NCBP1: variants seen among roughly 807,000 people sequenced by gnomAD.
NCBP1 encodes nuclear cap-binding protein subunit 1.
Under a neutral mutation model 111.7 loss-of-function variants are expected in NCBP1, and 16 were observed. That is an observed-to-expected ratio of 0.14 (90% CI 0.10 to 0.22). NCBP1 has a LOEUF of 0.22. Ranked by LOEUF, NCBP1 falls within the 10% of genes least tolerant of loss-of-function variation. The pLI is 1.00. For missense variants in NCBP1, 607 were observed against 957.5 expected (o/e 0.63, Z 4.83); for synonymous variants, 304 against 314.3 (o/e 0.97, Z 0.35).
intron 1 of NCBP1, among the ~76,000 whole-genome samples, chr9:97,638,217 A>G (rs1239233691): frequency 6.6e-6 from 1 of 152,178 alleles, no homozygotes; most frequent in African/African-American, 2.4e-5. Flanking sequence ...TAGTCTCTCA[A>G]CTATCAGGTG....
intron 3 of NCBP1, 129 bp downstream of exon 3, chr9:97,641,791 A>C: frequency 9.6e-7 from 1 of 1,043,840 alleles, no homozygotes; most frequent in Non-Finnish European, 1.2e-6. Flanking sequence ...GGAAATTTGT[A>C]CAAATGAGCC....
intron 16 of NCBP1, among the ~76,000 whole-genome samples, chr9:97,661,327 C>T (rs1029072581): frequency 6.6e-6 from 1 of 152,040 alleles, no homozygotes; most frequent in Non-Finnish European, 1.5e-5. Context: ...GATTTTTAAC[C>T]CCTGCTTTCA....
intron 18 of NCBP1, among the ~76,000 whole-genome samples, chr9:97,664,134 G>A (rs544494022): frequency 7.8e-4 from 118 of 152,088 alleles, no homozygotes; most frequent in African/African-American, 2.5e-3. Context: ...AGCTGAGATC[G>A]TGCCACTCCA....
At chr9:97,635,623 C>T (rs1186097897) in intron 1 of NCBP1, among the ~76,000 whole-genome samples, 1 of 151,692 alleles carries the variant, frequency 6.6e-6, no homozygotes, top group Non-Finnish European at 1.5e-5. Context: ...GGTTTCGCCA[C>T]GTTGCCCAGG....
At chr9:97,641,709 A>T in intron 3 of NCBP1, 47 bp downstream of exon 3, 1 of 1,488,270 alleles carries the variant, frequency 6.7e-7, no homozygotes, top group Non-Finnish European at 9.1e-7. Flanking sequence ...TGTATTATCT[A>T]CTCTTAAATG....
chr9:97,660,390 A>G (rs1462855451), intron 15 of NCBP1, among the ~76,000 whole-genome samples: 1 of 152,254 alleles, frequency 6.6e-6, no homozygotes, highest in Admixed American at 6.5e-5. Context: ...TAGTAAATAC[A>G]AGGAGTCCCA....
Position 97,643,448 on chromosome 9 carries a change from C to T in NCBP1, c.381+88C>T, listed in dbSNP as rs989296628. 1.2e-5 allele frequency: 16 copies of T among 1,317,588 alleles called. No individual in the cohort carries two copies. The African/African-American group carries it at 2.3e-4, about 19-fold the overall frequency. The allele number at this position is 1,317,588 out of a possible 1,614,324, so 81.6% of individuals were successfully genotyped here. The stretch of plus-strand genomic sequence containing the variant: ...ACAACCAAATAATTTAAAATGCTCT[C>T]CTAAAACATTCTCATTCACTTTCAT... On this transcript the variant is annotated intron_variant, in intron 4 of 22. Coordinates refer to ENST00000375147, the MANE Select transcript of NCBP1 (RefSeq NM_002486.5).
chr9:97,644,993 G>A (rs573735438), intron 4 of NCBP1, 124 bp from the exon 5 acceptor site: 10 of 593,524 alleles, frequency 1.7e-5, no homozygotes, highest in Non-Finnish European at 2.9e-5. Context: ...ACAGGTAGTA[G>A]GCTAGATTCA....
intron 6 of NCBP1, among the ~76,000 whole-genome samples, 173 bp from the exon 7 acceptor site, chr9:97,647,319 T>C (rs971004302): frequency 6.6e-6 from 1 of 152,192 alleles, no homozygotes; most frequent in Admixed American, 6.5e-5. Context: ...TGAGACTGAA[T>C]CTTGACCTGC....
chr9:97,646,134 C>T (rs1444396373), intron 6 of NCBP1, among the ~76,000 whole-genome samples: 1 of 152,156 alleles, frequency 6.6e-6, no homozygotes, highest in Non-Finnish European at 1.5e-5. Context: ...TAACACATTT[C>T]ACAAGTGGAG....
At chr9:97,666,528 C>T (rs1564029818) in intron 19 of NCBP1, among the ~76,000 whole-genome samples, 1 of 152,168 alleles carries the variant, frequency 6.6e-6, no homozygotes, top group Non-Finnish European at 1.5e-5. Context: ...AGAAAAATGA[C>T]TACACAGTGC....
chr9:97,650,550 A>G lies in NCBP1; in HGVS notation c.945A>G (p.Glu315=). 6.2e-7 allele frequency: 1 copy of G among 1,613,598 alleles called. No homozygotes were observed. The highest frequency in any genetic ancestry group is 8.5e-7 in the Non-Finnish European group (1 of 1,179,678). Residue 315 remains glutamate, a synonymous_variant, in exon 9 of 23, where the codon GAA becomes GAG. Transcript: ENST00000375147. Reference sequence around the variant, plus strand: ...ATTCAGTGGAAAGATTTGTAATAGAAGAGAATCTTCACTGCATCATTAAGT... The same window carrying G: ...ATTCAGTGGAAAGATTTGTAATAGAGGAGAATCTTCACTGCATCATTAAGT... ...GSHSVERFVI[E]ENLHCIIKSH...
rs112595685 is a variant in NCBP1, at chr9:97,650,939, A to ATTT, written c.995+348_995+350dup. 2.9e-3 allele frequency among the ~76,000 whole-genome samples: 431 copies of ATTT among 149,348 alleles called. 2 individuals carry two copies. The highest frequency in any genetic ancestry group is 0.01 in the African/African-American group (420 of 40,898). On this transcript the variant is annotated intron_variant, in intron 9 of 22. Coordinates refer to ENST00000375147, the MANE Select transcript of NCBP1 (RefSeq NM_002486.5). ...AGCATTTAGACACCCAAGCTTTGGA[A>ATTT]TTTTTTTTTTTAAATAAAATTTTCT...
intron 15 of NCBP1, among the ~76,000 whole-genome samples, chr9:97,659,941 T>C (rs1456060009): frequency 1.3e-5 from 2 of 152,210 alleles, no homozygotes; most frequent in African/African-American, 2.4e-5. Context: ...TCCCTGTTCT[T>C]GACTTTGCCA....
At position 97,640,177 on chromosome 9, in the gene NCBP1, A is replaced by C. The variant is rs1319895936; in HGVS notation, c.35-617A>C. Among the ~76,000 whole-genome samples the C allele has an allele frequency of 3.3e-5, 5 of 152,138 alleles. 1 individual carries two copies. Among genetic ancestry groups the C allele is most frequent in the Admixed American group, 1.3e-4 (2 of 15,270 alleles). On this transcript the variant is annotated intron_variant, in intron 1 of 22. Transcript: ENST00000375147. ...GCAGAACTGAAATTGTTAATTGAAG[A>C]CTTGAGATTAGAGCTTAGAAACATG...
chr9:97,671,456 TA>T lies in NCBP1; in HGVS notation c.*258del. 1 of 368,900 alleles carries T rather than the reference TA, an allele frequency of 2.7e-6. No individual in the cohort carries two copies. Among genetic ancestry groups the T allele is most frequent in the Non-Finnish European group, 4.9e-6 (1 of 202,640 alleles). The allele number at this position is 368,900 out of a possible 1,614,324, so 22.9% of individuals were successfully genotyped here. A position where few individuals can be genotyped will look rare whatever the true frequency, so the allele number is the denominator to read the frequency against. On this transcript the variant is annotated 3_prime_UTR_variant, in exon 23 of 23. Transcript: ENST00000375147. ...TACAAATTCTCTGTGATCAGTTTGT[TA>T]TTTTTTTTCTCCTTAAGGCACAAAA... is the stretch of plus-strand genomic sequence containing the variant.
intron 4 of NCBP1, 53 bp from the exon 5 acceptor site, chr9:97,645,064 A>G: frequency 7.6e-7 from 1 of 1,313,778 alleles, no homozygotes; most frequent in Admixed American, 1.7e-5. Flanking sequence ...CTTATTTTGT[A>G]GTTATTATAA....
In NCBP1 at chr9:97,645,241, T is replaced by C. The variant is rs535111882; in HGVS notation, c.489+17T>C. ...GTACCTCAGGTAAGAGAACCCCTCA[T>C]GCTGAATCTTGAGGGGTTCTTGAGG... On this transcript the variant is annotated intron_variant, in intron 5 of 22. Coordinates refer to ENST00000375147, the MANE Select transcript of NCBP1 (RefSeq NM_002486.5). 4.6e-5 allele frequency: 71 copies of C among 1,555,112 alleles called. No individual in the cohort carries two copies. The East Asian group carries it at 1.5e-3, about 32-fold the overall frequency.
chr9:97,650,680 AG>A lies in NCBP1; in HGVS notation c.995+81del. On this transcript the variant is annotated intron_variant, in intron 9 of 22. Transcript: ENST00000375147. ...TTCAGTAAGAGCAAAATATATGTTG[AG>A]AGTGTAAGAAAATTTTATCCTCCTG... 3.4e-6 allele frequency: 4 copies of A among 1,185,016 alleles called. No individual in the cohort carries two copies. In the South Asian group the frequency reaches 5.5e-5, roughly 16 times the overall value. The allele number at this position is 1,185,016 out of a possible 1,614,324, so 73.4% of individuals were successfully genotyped here.
Sources: gnomAD v4.1 joint callset for allele counts (sites outside exome capture counted in the v4.1 genomes callset) on GRCh38, gnomAD v4.1.1 for gene constraint, MANE v1.5 for transcripts, NCBI Gene and HGNC (gene_info 2026-07-23, HGNC 2026-07-21) for gene names.